Variants in GATA4 observed in about 807,000 individuals in gnomAD.
The protein encoded by GATA4 is transcription factor GATA-4.
In GATA4, 7 loss-of-function variants were observed where a neutral mutation model predicts 37.9. The observed-to-expected ratio is 0.18, with a 90% confidence interval of 0.11 to 0.35. GATA4 has a LOEUF of 0.35. Among genes scored for constraint, GATA4 ranks in the 10% least tolerant of loss-of-function variants. The probability of loss-of-function intolerance (pLI) is 1.00; values close to 1 mark genes in which losing one functional copy is unlikely to be tolerated. For synonymous variants in GATA4, 372 were observed against 292.6 expected (o/e 1.27, Z -2.77); for missense variants, 647 against 653.0 (o/e 0.99, Z 0.10).
At chr8:11,745,921 A>G (rs1802007889) in intron 2 of GATA4, among the ~76,000 whole-genome samples, 2 of 152,230 alleles carry the variant, frequency 1.3e-5, no homozygotes, top group Non-Finnish European at 2.9e-5. Context: ...TGGAAGCTGG[A>G]TGATAGTTAA....
chr8:11,736,563 C>G (rs910931416), intron 2 of GATA4, among the ~76,000 whole-genome samples: 8 of 152,242 alleles, frequency 5.3e-5, no homozygotes, highest in African/African-American at 1.9e-4. Flanking sequence ...CCAGGGCGCC[C>G]TCTAGAGGCT....
chr8:11,695,162 T>C (rs2129996563), intron 1 of GATA4, among the ~76,000 whole-genome samples: 1 of 152,150 alleles, frequency 6.6e-6, no homozygotes, highest in East Asian at 1.9e-4. Flanking sequence ...TCCCAGCACT[T>C]TGGGAGGCCG....
At chr8:11,683,178 A>T (rs1166060025) in intron 1 of GATA4, 3 of 940,884 alleles carry the variant, frequency 3.2e-6, no homozygotes, top group African/African-American at 1.8e-5. Flanking sequence ...TCTAATCTGG[A>T]CAGCAGCAGG....
intron 2 of GATA4, among the ~76,000 whole-genome samples, chr8:11,731,012 C>G (rs1251745766): frequency 6.6e-6 from 1 of 152,240 alleles, no homozygotes; most frequent in East Asian, 1.9e-4. Flanking sequence ...TCTTCCTTCC[C>G]TCTCCATTTG....
At chr8:11,723,986 C>T (rs751322704) in intron 2 of GATA4, among the ~76,000 whole-genome samples, 1 of 152,202 alleles carries the variant, frequency 6.6e-6, no homozygotes, top group Non-Finnish European at 1.5e-5. Flanking sequence ...CCCCTTCCCT[C>T]CAGCCTCAGG....
intron 1 of GATA4, chr8:11,697,763 T>C (rs993381810): frequency 4.1e-6 from 4 of 985,276 alleles, no homozygotes; most frequent in Non-Finnish European, 4.8e-6. Flanking sequence ...GGCGCCTGCC[T>C]GGGCGTCTTC....
chr8:11,723,414 G>A (rs891808740), intron 2 of GATA4, among the ~76,000 whole-genome samples: 3 of 152,046 alleles, frequency 2.0e-5, no homozygotes, highest in Non-Finnish European at 2.9e-5. Context: ...CCTGATTGAT[G>A]TTCAGATTGT....
chr8:11,697,469 CGG>C, intron 1 of GATA4: 1 of 757,560 alleles, frequency 1.3e-6, no homozygotes, highest in Non-Finnish European at 1.6e-6. Flanking sequence ...GCTGGGGAAG[CGG>C]TGTTCGGAGG....
chr8:11,737,682 C>G (rs1801529153), intron 2 of GATA4, among the ~76,000 whole-genome samples: 1 of 152,158 alleles, frequency 6.6e-6, no homozygotes, highest in South Asian at 2.1e-4. Flanking sequence ...AGGAGTGCAG[C>G]AAAGCTGAGG....
Position 11,749,807 on chromosome 8 carries a change from C to T in GATA4, c.787-304C>T, listed in dbSNP as rs1176211271. Among the ~76,000 whole-genome samples the T allele has an allele frequency of 2.6e-5, 4 of 152,256 alleles. No individual in the cohort carries two copies. The highest frequency in any genetic ancestry group is 5.9e-5 in the Non-Finnish European group (4 of 68,044). On this transcript the variant is annotated intron_variant, in intron 3 of 6. Coordinates refer to ENST00000532059, the MANE Select transcript of GATA4 (RefSeq NM_001308093.3). This position sits in a 1 kb window ranked among gnomAD's most constrained non-coding sequence, Gnocchi z 4.6. ...TCTCCTCTCAGGAGAAGCTTTCCTG[C>T]CGGCAGTGCCCGGCGCTCACTGGTT...
intron 1 of GATA4, among the ~76,000 whole-genome samples, chr8:11,705,123 T>G (rs1283593573): frequency 6.6e-6 from 1 of 152,092 alleles, no homozygotes; most frequent in African/African-American, 2.4e-5. Context: ...GCCTTTTGGC[T>G]GGGGAAAGAG....
At chr8:11,713,491 G>T (rs1472569710) in intron 2 of GATA4, among the ~76,000 whole-genome samples, 1 of 152,064 alleles carries the variant, frequency 6.6e-6, no homozygotes, top group African/African-American at 2.4e-5. Flanking sequence ...GCAAACTGGA[G>T]AGCCCTAGGG....
At chr8:11,724,629 G>A (rs1035256992) in intron 2 of GATA4, among the ~76,000 whole-genome samples, 1 of 152,234 alleles carries the variant, frequency 6.6e-6, no homozygotes, top group African/African-American at 2.4e-5. Flanking sequence ...GTTTCTAGCT[G>A]TTGGCTGTGG....
At chr8:11,717,559 C>G (rs796127653) in intron 2 of GATA4, among the ~76,000 whole-genome samples, 1 of 152,190 alleles carries the variant, frequency 6.6e-6, no homozygotes, top group East Asian at 1.9e-4. Flanking sequence ...CAGGATTGTA[C>G]TTTCCCCCTT....
rs1321717489 is a variant in GATA4, at chr8:11,748,856, C to A, written c.617-60C>A. ...CGCTCTAGATTCTCAGATGTGAGAG[C>A]TGGGCATAAACAAAGAATTAATCCT... On this transcript the variant is annotated intron_variant, in intron 2 of 6. Coordinates refer to ENST00000532059, the MANE Select transcript of GATA4 (RefSeq NM_001308093.3). 3 of 1,577,824 alleles carry A rather than the reference C, an allele frequency of 1.9e-6. No homozygotes were observed. The African/African-American group carries it at 4.0e-5, about 21-fold the overall frequency.
chr8:11,698,940 C>G (rs1799586432), intron 1 of GATA4, among the ~76,000 whole-genome samples: 2 of 152,222 alleles, frequency 1.3e-5, no homozygotes, highest in African/African-American at 4.8e-5. Flanking sequence ...GGCCAGTATT[C>G]TACTCTGAGA....
At chr8:11,730,279 G>A (rs996264927) in intron 2 of GATA4, among the ~76,000 whole-genome samples, 3 of 152,292 alleles carry the variant, frequency 2.0e-5, no homozygotes, top group African/African-American at 7.2e-5. Context: ...TGACAGGGAC[G>A]TGGTGTCCAT....
At chr8:11,744,763 G>A (rs893815691) in intron 2 of GATA4, among the ~76,000 whole-genome samples, 2 of 152,196 alleles carry the variant, frequency 1.3e-5, no homozygotes, top group Non-Finnish European at 2.9e-5. Flanking sequence ...GTAGGAGGTT[G>A]ACTATTGGAT....
At chr8:11,729,004 G>A (rs747479078) in intron 2 of GATA4, among the ~76,000 whole-genome samples, 4 of 151,766 alleles carry the variant, frequency 2.6e-5, no homozygotes, top group Non-Finnish European at 4.4e-5. Flanking sequence ...AGGTCGAGGT[G>A]GGAGGATCAC....
Sources: gnomAD v4.1 joint callset for allele counts (sites outside exome capture counted in the v4.1 genomes callset) on GRCh38, gnomAD v4.1.1 for gene constraint, Gnocchi (gnomAD v3.1) non-coding constraint, MANE v1.5 for transcripts, NCBI Gene and HGNC (gene_info 2026-07-23, HGNC 2026-07-21) for gene names.